The following TLE3 variants were observed in gnomAD, a reference collection of about 807,000 sequenced individuals.
TLE3 encodes the protein TLE family member 3, transcriptional corepressor.
TLE3 carries 14 observed loss-of-function variants against 93.0 expected under a neutral mutation model. The observed-to-expected ratio is 0.15, with a 90% CI of 0.10 to 0.24. The LOEUF (loss-of-function observed/expected upper bound fraction) is 0.24, where lower values mean the gene tolerates loss of function less well. Among genes scored for constraint, TLE3 ranks in the 10% least tolerant of loss-of-function variants. The pLI is 1.00. For synonymous variants in TLE3, 451 were observed against 425.0 expected (o/e 1.06, Z -0.75); for missense variants, 693 against 1,046.6 (o/e 0.66, Z 4.66).
At position 70,066,033 on chromosome 15, in the gene TLE3, G is replaced by T; in HGVS notation, c.558C>A (p.His186Gln). The T allele has an allele frequency of 6.2e-7, 1 of 1,612,348 alleles. No homozygotes were observed. The change falls in exon 7 of 20, where the codon CAC becomes CAA. Residue 186 changes from histidine (H) to glutamine (Q), a missense_variant. His to Gln is a conservative substitution (Grantham distance 24). Coordinates refer to ENST00000451782, the MANE Select transcript of TLE3 (RefSeq NM_001105192.3). The part of the protein sequence containing the change: ...AHLTVKDEKN[H>Q]HELDHRERES... ...CCGCACCTCTGTGATCGAGTTCATG[G>T]TGGTTCTTCTCATCCTTCACCGTCA... is the stretch of plus-strand genomic sequence containing the variant.
At chr15:70,087,305 C>T (rs779821394) in intron 4 of TLE3, among the ~76,000 whole-genome samples, 42 of 152,222 alleles carry the variant, frequency 2.8e-4, no homozygotes, top group Non-Finnish European at 5.3e-4. Context: ...GTCATCTTCA[C>T]ACCCCAAGCT....
chr15:70,063,425 G>A (rs1567006557), intron 8 of TLE3, among the ~76,000 whole-genome samples: 1 of 152,168 alleles, frequency 6.6e-6, no homozygotes, highest in Non-Finnish European at 1.5e-5. Flanking sequence ...GCATGTAGGC[G>A]GGTCAAGAGG....
rs375309669 is a variant in TLE3, at chr15:70,060,557, C to G, written c.687G>C (p.Ala229=). 6.2e-7 allele frequency: 1 copy of G among 1,613,998 alleles called. No homozygotes were observed. Among genetic ancestry groups the G allele is most frequent in the Non-Finnish European group, 8.5e-7 (1 of 1,179,872 alleles). The change falls in exon 9 of 20, where the codon GCG becomes GCC. Residue 229 remains alanine, a synonymous_variant. Transcript: ENST00000451782. ...DYSMEAKKRK[A]EEKDSLSRYD... is the part of the protein sequence containing the mutation. ...ATCGGCTCAAGCTGTCCTTCTCCTC[C>G]GCCTTCCGCTTCTTGGCTTCCATGC... is the stretch of plus-strand genomic sequence containing the variant.
chr15:70,096,666 A>C (rs1483166008), intron 1 of TLE3, 109 bp downstream of exon 1: 3 of 1,556,920 alleles, frequency 1.9e-6, no homozygotes, highest in Non-Finnish European at 1.7e-6. Flanking sequence ...CACACACACA[A>C]ACACACACAC....
At chr15:70,068,215 A>G (rs1002438115) in intron 6 of TLE3, among the ~76,000 whole-genome samples, 3 of 152,244 alleles carry the variant, frequency 2.0e-5, no homozygotes, top group African/African-American at 7.2e-5. Flanking sequence ...CCCTCGGAAG[A>G]TTCTACTGTT....
intron 1 of TLE3, 106 bp from the exon 2 acceptor site, chr15:70,096,367 C>T: frequency 6.7e-7 from 1 of 1,488,958 alleles, no homozygotes; most frequent in Non-Finnish European, 8.9e-7. Context: ...AGGCCACCCT[C>T]AGCCCAGAAC....
chr15:70,056,482 T>C (rs2056045192), intron 13 of TLE3, 108 bp from the exon 14 acceptor site: 4 of 987,824 alleles, frequency 4.0e-6, no homozygotes, highest in Non-Finnish European at 6.2e-6. Flanking sequence ...TCTGCCACTT[T>C]GTAACCCAAG....
intron 4 of TLE3, among the ~76,000 whole-genome samples, chr15:70,081,969 C>T (rs2057802058): frequency 6.6e-6 from 1 of 152,174 alleles, no homozygotes; most frequent in Admixed American, 6.5e-5. Context: ...CAGGTTTTAC[C>T]TACTTCTCTG....
At chr15:70,069,770 C>T (rs973689725) in intron 6 of TLE3, among the ~76,000 whole-genome samples, 13 of 152,240 alleles carry the variant, frequency 8.5e-5, no homozygotes, top group Non-Finnish European at 1.8e-4. Context: ...GAGAGTGAAA[C>T]GAAGATTTTT....
At chr15:70,080,014 C>G (rs1199318455) in intron 4 of TLE3, among the ~76,000 whole-genome samples, 3 of 147,440 alleles carry the variant, frequency 2.0e-5, no homozygotes, top group Non-Finnish European at 3.0e-5. Flanking sequence ...GCTGTTAAAA[C>G]AGCATTGGAT....
rs2058599427 is a variant in TLE3, at chr15:70,097,006, AGTC to A, written c.-211_-209del. On this transcript the variant is annotated 5_prime_UTR_variant, in exon 1 of 20. Coordinates refer to ENST00000451782, the MANE Select transcript of TLE3 (RefSeq NM_001105192.3). ...CAAAGAGCCGCGGAGCAGGCGGCAA[AGTC>A]GTCGGCGGGCGCCGGGGCCGGGCGG... 1.6e-6 allele frequency: 1 copy of A among 628,514 alleles called. No individual in the cohort carries two copies. 38.9% of individuals were successfully genotyped at this position (628,514 alleles called of 1,614,324 possible).
At chr15:70,070,218 G>A (rs1053776733) in intron 6 of TLE3, among the ~76,000 whole-genome samples, 2 of 152,206 alleles carry the variant, frequency 1.3e-5, no homozygotes, top group Non-Finnish European at 2.9e-5. Context: ...ATAGGACAAC[G>A]AACATGTACT....
rs2056142712 is a variant in TLE3, at chr15:70,057,404, C to A, written c.1251+55G>T. 3 of 1,524,942 alleles carry A rather than the reference C, an allele frequency of 2.0e-6. 1 individual carries two copies. The Middle Eastern group carries it at 5.2e-4, about 262-fold the overall frequency. The allele number at this position is 1,524,942 out of a possible 1,614,324, so 94.5% of individuals were successfully genotyped here. On this transcript the variant is annotated intron_variant, in intron 13 of 19. Transcript: ENST00000451782. ...CATGTGGGGAGCACCCGTCCAACCA[C>A]TGGCTCCCCACACCACGCCCAGTCC... is the stretch of plus-strand genomic sequence containing the variant.
intron 18 of TLE3, among the ~76,000 whole-genome samples, chr15:70,051,827 C>G (rs2055573424): frequency 6.6e-6 from 1 of 152,216 alleles, no homozygotes; most frequent in African/African-American, 2.4e-5. Flanking sequence ...CCCTGGGAGT[C>G]TGGAGACCTG....
chr15:70,066,246 C>T (rs909707446), intron 6 of TLE3, 28 bp from the exon 7 acceptor site: 18 of 1,484,012 alleles, frequency 1.2e-5, no homozygotes, highest in Admixed American at 5.0e-5. Context: ...GTGAGTACAG[C>T]TGAGTTGGGG....
chr15:70,092,098 T>C (rs1178761730), intron 4 of TLE3, among the ~76,000 whole-genome samples: 1 of 152,144 alleles, frequency 6.6e-6, no homozygotes, highest in Admixed American at 6.5e-5. Context: ...CACTTGATTG[T>C]GTGTGCCGAT....
chr15:70,059,977 C>T (rs989796402), intron 9 of TLE3, among the ~76,000 whole-genome samples: 2 of 152,206 alleles, frequency 1.3e-5, no homozygotes, highest in Non-Finnish European at 2.9e-5. Flanking sequence ...GGGTGCAAGA[C>T]CGCTGAGGCC....
chr15:70,093,489 C>T (rs73443990), intron 4 of TLE3, among the ~76,000 whole-genome samples: 334 of 152,344 alleles, frequency 2.2e-3, no homozygotes, highest in African/African-American at 7.7e-3. Flanking sequence ...ATTCAAGTCA[C>T]GGTCACCAAA....
chr15:70,084,153 TCACACAGGAAGAC>T (rs1010163474), intron 4 of TLE3, among the ~76,000 whole-genome samples: 4 of 152,332 alleles, frequency 2.6e-5, no homozygotes, highest in East Asian at 1.9e-4. Flanking sequence ...CAAGAAGCTG[TCACACAGGAAGAC>T]CACACAGGAA....
Sources: gnomAD v4.1 joint callset for allele counts (sites outside exome capture counted in the v4.1 genomes callset) on GRCh38, gnomAD v4.1.1 for gene constraint, MANE v1.5 for transcripts, NCBI Gene and HGNC (gene_info 2026-07-23, HGNC 2026-07-21) for gene names.